Variants in NAV2 observed in about 807,000 individuals in gnomAD.
NAV2 encodes neuron navigator 2, also known as helicase, APC down-regulated 1.
A neutral mutation model predicts 223.2 loss-of-function variants in NAV2; 54 were observed. That is an observed-to-expected ratio of 0.24 (90% CI 0.19 to 0.30). NAV2 has a LOEUF of 0.30. NAV2 is among the 10% of genes least tolerant of loss of function. The pLI, the probability that NAV2 is intolerant of heterozygous loss-of-function variation, is 1.00. For missense variants in NAV2, 2,806 were observed against 3,147.5 expected, an observed-to-expected ratio of 0.89 and a Z score of 2.60; for synonymous variants, 1,279 against 1,239.3, an observed-to-expected ratio of 1.03 and a Z score of -0.67.
intron 11 of NAV2, among the ~76,000 whole-genome samples, chr11:20,006,161 A>T (rs74841319): frequency 0.071 from 10,743 of 152,146 alleles, 428 homozygotes; most frequent in South Asian, 0.13. Context: ...CAGAGAGGTG[A>T]TCTTTCAAAG....
chr11:19,580,997 T>C (rs1025146635), intron 1 of NAV2, among the ~76,000 whole-genome samples: 2 of 152,232 alleles, frequency 1.3e-5, no homozygotes, highest in African/African-American at 4.8e-5. Flanking sequence ...TTTGGCTGGA[T>C]GTGTATTTCT....
chr11:20,089,723 A>AT (rs1463146822), intron 26 of NAV2, among the ~76,000 whole-genome samples: 3 of 151,970 alleles, frequency 2.0e-5, no homozygotes, highest in Non-Finnish European at 4.4e-5. Context: ...TCACAGAACT[A>AT]TTTTTTTTAA....
chr11:20,041,490 C>T (rs765718207), intron 12 of NAV2, among the ~76,000 whole-genome samples: 2 of 152,058 alleles, frequency 1.3e-5, no homozygotes, highest in African/African-American at 2.4e-5. Context: ...GTATTAGCAC[C>T]ATTACAGTTT....
At chr11:19,616,819 A>T (rs2046809344) in intron 1 of NAV2, among the ~76,000 whole-genome samples, 1 of 151,976 alleles carries the variant, frequency 6.6e-6, no homozygotes, top group Non-Finnish European at 1.5e-5. Flanking sequence ...ATAGGTTTTT[A>T]TGCTGAATTG....
chr11:19,768,033 A>G (rs923672290), intron 1 of NAV2, among the ~76,000 whole-genome samples: 4 of 152,268 alleles, frequency 2.6e-5, no homozygotes, highest in African/African-American at 9.6e-5. Context: ...CAGCTGGGAC[A>G]GCAAATCCTC....
intron 1 of NAV2, among the ~76,000 whole-genome samples, chr11:19,739,574 G>A (rs1036686992): frequency 6.6e-6 from 1 of 152,176 alleles, no homozygotes; most frequent in Non-Finnish European, 1.5e-5. Context: ...GGTCTGTGGA[G>A]ACATTTGCTT....
intron 6 of NAV2, among the ~76,000 whole-genome samples, chr11:19,894,360 G>T (rs998087933): frequency 1.3e-5 from 2 of 152,176 alleles, no homozygotes; most frequent in African/African-American, 2.4e-5. Context: ...AAGGTGTTAG[G>T]AAAAGCCTGC....
chr11:19,722,959 C>G (rs2050885465), intron 1 of NAV2, among the ~76,000 whole-genome samples: 1 of 152,270 alleles, frequency 6.6e-6, no homozygotes, highest in South Asian at 2.1e-4. Flanking sequence ...TTTATGATAT[C>G]CAAACTCTCT....
intron 1 of NAV2, among the ~76,000 whole-genome samples, chr11:19,764,664 C>T (rs1757119283): frequency 6.6e-6 from 1 of 152,038 alleles, no homozygotes; most frequent in African/African-American, 2.4e-5. Context: ...TTCTTTTCTC[C>T]AATAGCATCA....
In NAV2 at chr11:19,460,654, TG is replaced by T. The variant is rs1208386658; in HGVS notation, c.75+109633del. Among the ~76,000 whole-genome samples, 8 of 39,390 alleles carry T rather than the reference TG, an allele frequency of 2.0e-4. No homozygotes were observed. The South Asian group carries it at 8.3e-3, about 41-fold the overall frequency. The allele number at this position is 39,390 out of a possible 152,430, so 25.8% of individuals were successfully genotyped here. On this transcript the variant is annotated intron_variant, in intron 1 of 37. Coordinates refer to the NAV2 transcript ENST00000360655. ...TCACACACTGGGGCCTGTCGTGGGG[TG>T]GGGGGAGGGGGGAGGGATAGCATTA...
rs961526156 is a variant in NAV2, at chr11:19,411,104, T to G, written c.75+60077T>G. On this transcript the variant is annotated intron_variant, in intron 1 of 37. Transcript: ENST00000360655. ...ATGCCAGTCACCTGGAGGCCTTTTT[T>G]AAACCCAGGTTGCTTGACCCCACCC... Among the ~76,000 whole-genome samples, 3 of 152,256 alleles carry G rather than the reference T, an allele frequency of 2.0e-5. No homozygotes were observed. In the South Asian group the frequency reaches 6.2e-4, roughly 32 times the overall value.
At chr11:19,351,310 C>G (rs1853296977) in intron 1 of NAV2, among the ~76,000 whole-genome samples, 1 of 152,196 alleles carries the variant, frequency 6.6e-6, no homozygotes, top group Admixed American at 6.5e-5. Flanking sequence ...TGTTGGTGTT[C>G]TCAAAATCCA....
At chr11:19,717,981 G>A (rs1310084979) in intron 1 of NAV2, among the ~76,000 whole-genome samples, 1 of 152,120 alleles carries the variant, frequency 6.6e-6, no homozygotes. Context: ...CAGCCCTACT[G>A]TCACCCACCC....
chr11:20,026,846 G>T (rs1264055902), intron 11 of NAV2, among the ~76,000 whole-genome samples: 2 of 152,164 alleles, frequency 1.3e-5, no homozygotes, highest in African/African-American at 4.8e-5. Context: ...TGTAAAATGG[G>T]TATAGTGTTA....
intron 10 of NAV2, among the ~76,000 whole-genome samples, chr11:19,960,670 G>A (rs147311907): frequency 0.046 from 6,958 of 151,764 alleles, 570 homozygotes; most frequent in African/African-American, 0.16. Context: ...CTGGAGGGCA[G>A]TGGCACAATC....
At chr11:20,044,415 C>T (rs1253231991) in intron 13 of NAV2, 143 bp downstream of exon 13, 10 of 757,382 alleles carry the variant, frequency 1.3e-5, no homozygotes, top group Middle Eastern at 3.8e-4. Flanking sequence ...ACTTTCACAT[C>T]CCTACCTTTT....
intron 1 of NAV2, among the ~76,000 whole-genome samples, chr11:19,494,495 A>G (rs1402997915): frequency 6.6e-6 from 1 of 152,204 alleles, no homozygotes; most frequent in Non-Finnish European, 1.5e-5. Context: ...TCCCCATTTT[A>G]CAGATAAAGA....
intron 1 of NAV2, among the ~76,000 whole-genome samples, chr11:19,449,573 C>T (rs1231391084): frequency 6.8e-6 from 1 of 148,130 alleles, no homozygotes; most frequent in Admixed American, 6.8e-5. Flanking sequence ...CCCCACCTTG[C>T]ACCTGACTGA....
chr11:19,442,795 A>G (rs1851451243), intron 1 of NAV2, among the ~76,000 whole-genome samples: 1 of 152,212 alleles, frequency 6.6e-6, no homozygotes, highest in Admixed American at 6.5e-5. Context: ...TAGGCTATAT[A>G]AAAAGTATCA....
Sources: gnomAD v4.1 joint callset for allele counts (sites outside exome capture counted in the v4.1 genomes callset) on GRCh38, gnomAD v4.1.1 for gene constraint, MANE v1.5 for transcripts, NCBI Gene and HGNC (gene_info 2026-07-23, HGNC 2026-07-21) for gene names.